The following IRGM variants were observed in gnomAD, a reference collection of about 807,000 sequenced individuals.
IRGM encodes immunity-related GTPase family M protein.
For synonymous variants in IRGM, 98 were observed against 80.6 expected (o/e 1.22, Z -1.16); for missense variants, 288 against 219.9 (o/e 1.31, Z -1.96).
At chr5:150,892,031 C>T (rs1754617194) in intron 3 of IRGM, among the ~76,000 whole-genome samples, 1 of 152,088 alleles carries the variant, frequency 6.6e-6, no homozygotes, top group African/African-American at 2.4e-5. Flanking sequence ...ATCACATCCC[C>T]AATGTTCTGC....
chr5:150,870,699 G>A (rs188385959), intron 1 of IRGM, among the ~76,000 whole-genome samples: 137 of 152,076 alleles, frequency 9.0e-4, no homozygotes, highest in African/African-American at 3.2e-3. Context: ...CCCATTCCTA[G>A]GTAGGTAACT....
At chr5:150,859,543 A>T (rs2113262309) in intron 1 of IRGM, among the ~76,000 whole-genome samples, 1 of 152,312 alleles carries the variant, frequency 6.6e-6, no homozygotes. Flanking sequence ...TTTGGCTGTG[A>T]ATCCATCTGG....
intron 3 of IRGM, chr5:150,896,140 G>A (rs561426657): frequency 1.2e-6 from 2 of 1,613,282 alleles, no homozygotes; most frequent in African/African-American, 2.7e-5. Flanking sequence ...ATAATGAGGG[G>A]TGATTTCTGG....
At chr5:150,848,762 G>A, downstream of IRGM, 2 of 908,368 alleles carry the variant, frequency 2.2e-6, no homozygotes, top group Non-Finnish European at 3.3e-6. Context: ...TGGTGCAGAA[G>A]GGTATCTTAC....
At chr5:150,898,433 G>A (rs1177443269) in intron 3 of IRGM, 1 of 1,613,368 alleles carries the variant, frequency 6.2e-7, no homozygotes, top group South Asian at 1.1e-5. Context: ...CTTACCCATT[G>A]AGACCAGGTG....
intron 3 of IRGM, among the ~76,000 whole-genome samples, chr5:150,888,358 G>A (rs1473784208): frequency 6.6e-6 from 1 of 152,014 alleles, no homozygotes; most frequent in African/African-American, 2.4e-5. Flanking sequence ...ATAAAAGTGG[G>A]AGACTCTAAC....
chr5:150,852,588 T>C (rs1391354027), downstream of IRGM, among the ~76,000 whole-genome samples: 1 of 152,086 alleles, frequency 6.6e-6, no homozygotes, highest in Non-Finnish European at 1.5e-5. Flanking sequence ...GTGATGCCAG[T>C]GATGCAGTGT....
chr5:150,893,652 C>T (rs561017182), intron 3 of IRGM, among the ~76,000 whole-genome samples: 67 of 152,176 alleles, frequency 4.4e-4, no homozygotes, highest in African/African-American at 1.5e-3. Context: ...AACAAGACAT[C>T]AGAGTAAGCT....
chr5:150,890,004 T>C (rs544319729), intron 3 of IRGM, among the ~76,000 whole-genome samples: 1 of 152,218 alleles, frequency 6.6e-6, no homozygotes, highest in Non-Finnish European at 1.5e-5. Context: ...TCTGGTTTTG[T>C]ATCATGGTGA....
intron 3 of IRGM, chr5:150,897,726 C>A (rs1394699984): frequency 7.1e-6 from 2 of 282,880 alleles, no homozygotes; most frequent in Admixed American, 4.7e-5. Context: ...TTTCTCTGAA[C>A]TTCTAAAACA....
chr5:150,883,784 G>A (rs1474061152), intron 3 of IRGM, among the ~76,000 whole-genome samples: 1 of 151,862 alleles, frequency 6.6e-6, no homozygotes, highest in Non-Finnish European at 1.5e-5. Context: ...GGACCTGATG[G>A]CTTCATTACT....
At position 150,882,436 on chromosome 5, in the gene IRGM, AT is replaced by A. The variant is rs559127964; in HGVS notation, c.*140+2797del. On this transcript the variant is annotated intron_variant and NMD_transcript_variant, in intron 3 of 3. Transcript: ENST00000520549. ...AATCAAAAGAGAGAGTGAATAAATG[AT>A]TTTTTTAAGTGACCCAACTGTATGC... Among the ~76,000 whole-genome samples, 99 of 152,200 alleles carry A rather than the reference AT, an allele frequency of 6.5e-4. 4 individuals are homozygous for A. In the South Asian group the frequency reaches 0.02, roughly 31 times the overall value.
At chr5:150,870,509 CT>C (rs60200385) in intron 1 of IRGM, among the ~76,000 whole-genome samples, 17,322 of 135,534 alleles carry the variant, frequency 0.13, 1,130 homozygotes, top group East Asian at 0.4. Context: ...TATACAACTC[CT>C]TTTTTTTTTT....
At chr5:150,857,666 T>G (rs1188179801) in intron 1 of IRGM, among the ~76,000 whole-genome samples, 1 of 152,156 alleles carries the variant, frequency 6.6e-6, no homozygotes, top group African/African-American at 2.4e-5. Flanking sequence ...GATTTGCATT[T>G]CTCTGATGGC....
chr5:150,861,268 C>T (rs549685731), intron 1 of IRGM, among the ~76,000 whole-genome samples: 1 of 152,136 alleles, frequency 6.6e-6, no homozygotes. Context: ...CCTCATGTAG[C>T]CTCTCCAAGT....
intron 3 of IRGM, among the ~76,000 whole-genome samples, chr5:150,882,824 T>G (rs1286784724): frequency 6.6e-6 from 1 of 151,868 alleles, no homozygotes; most frequent in Non-Finnish European, 1.5e-5. Flanking sequence ...AGACAGAAAA[T>G]CAATAAGGAA....
Position 150,858,370 on chromosome 5 carries a change from G to C in IRGM, c.158+9716G>C, listed in dbSNP as rs1013943046. Among the ~76,000 whole-genome samples the C allele has an allele frequency of 9.5e-4, 145 of 152,286 alleles. 2 individuals are homozygous for C. Among genetic ancestry groups the C allele is most frequent in the African/African-American group, 3.3e-3 (139 of 41,548 alleles). Reference sequence around the variant, plus strand: ...GAAGTCAGGTAGTGCGATGCCTCCAGCTTTGTTCTTTTGGCTTAGGATTGA... The same window carrying C: ...GAAGTCAGGTAGTGCGATGCCTCCACCTTTGTTCTTTTGGCTTAGGATTGA... On this transcript the variant is annotated intron_variant and NMD_transcript_variant, in intron 1 of 3. Transcript: ENST00000520549.
At chr5:150,860,522 T>C (rs1754121128) in intron 1 of IRGM, among the ~76,000 whole-genome samples, 4 of 152,212 alleles carry the variant, frequency 2.6e-5, no homozygotes, top group African/African-American at 9.6e-5. Context: ...TACGCTGTTA[T>C]TTTGTAATAG....
downstream of IRGM, chr5:150,900,823 A>C (rs984586997): frequency 6.6e-6 from 1 of 152,134 alleles, no homozygotes; most frequent in African/African-American, 2.4e-5. Flanking sequence ...GAGGAAATCC[A>C]TTCTGAGAGG....
Sources: allele counts gnomAD v4.1 joint callset (sites outside exome capture counted in the v4.1 genomes callset), GRCh38; gene constraint gnomAD v4.1.1; transcripts MANE v1.5; gene names NCBI Gene and HGNC (gene_info 2026-07-23, HGNC 2026-07-21).